Variants in TGM6 observed in about 807,000 individuals in gnomAD.
The protein encoded by TGM6 is protein-glutamine gamma-glutamyltransferase 6.
TGM6 carries 74 observed loss-of-function variants against 77.5 expected under a neutral mutation model. That is an observed-to-expected ratio of 0.96 (90% CI 0.79 to 1.16). The LOEUF is 1.16. TGM6 is among the 50% of genes most tolerant of loss of function. TGM6 has a pLI of 0.00. For missense variants in TGM6, 968 were observed against 940.2 expected (o/e 1.03, Z -0.39); for synonymous variants, 383 against 378.9 (o/e 1.01, Z -0.12).
intron 9 of TGM6, among the ~76,000 whole-genome samples, chr20:2,404,790 G>A (rs6106640): frequency 0.15 from 22,932 of 151,812 alleles, 2,220 homozygotes; most frequent in African/African-American, 0.28. Context: ...ACAGGTGCCC[G>A]CCACCATGCC....
At chr20:2,422,600 T>C (rs1272735137) in intron 10 of TGM6, among the ~76,000 whole-genome samples, 1 of 152,106 alleles carries the variant, frequency 6.6e-6, no homozygotes, top group Non-Finnish European at 1.5e-5. Flanking sequence ...AAAAAATATA[T>C]ACACCTTAAT....
At chr20:2,386,637 C>G (rs1346418454) in intron 1 of TGM6, among the ~76,000 whole-genome samples, 4 of 152,014 alleles carry the variant, frequency 2.6e-5, no homozygotes, top group Admixed American at 2.6e-4. Context: ...AAGAATTCGG[C>G]CAAGGGAATT....
At chr20:2,395,548 A>G (rs2084659374) in intron 3 of TGM6, 112 bp downstream of exon 3, 1 of 1,585,546 alleles carries the variant, frequency 6.3e-7, no homozygotes, top group Non-Finnish European at 8.6e-7. Flanking sequence ...GCTGAATGCC[A>G]AGAGCTGGGC....
intron 9 of TGM6, among the ~76,000 whole-genome samples, chr20:2,414,778 T>G (rs2084803985): frequency 6.6e-6 from 1 of 151,984 alleles, no homozygotes; most frequent in Admixed American, 6.6e-5. Context: ...TGAAAACTGA[T>G]GTTAAGCGGA....
intron 6 of TGM6, 63 bp from the exon 7 acceptor site, chr20:2,400,243 G>C: frequency 6.2e-7 from 1 of 1,609,338 alleles, no homozygotes; most frequent in Non-Finnish European, 8.5e-7. Flanking sequence ...CGCCTGCTGT[G>C]GAAGCCAGGC....
Position 2,403,815 on chromosome 20 carries a change from A to G in TGM6, c.1328A>G (p.Tyr443Cys). 1 of 1,614,124 alleles carries G rather than the reference A, an allele frequency of 6.2e-7. No individual in the cohort carries two copies. The highest frequency in any genetic ancestry group is 8.5e-7 in the Non-Finnish European group (1 of 1,180,034). Residue 443 changes from tyrosine (Y) to cysteine (C), a missense_variant, in exon 9 of 13, where the codon TAT becomes TGT. Coordinates refer to ENST00000202625, the MANE Select transcript of TGM6 (RefSeq NM_198994.3). ...SRVDITDLYKYPEGSRKERQV... is the reference protein window; with the variant it reads ...SRVDITDLYKCPEGSRKERQV... ...GTGGACATCACTGACCTCTACAAGT[A>G]TCCGGAAGGTAAGGGCCACATGGCG...
chr20:2,430,562 G>C lies in TGM6; in HGVS notation c.1795G>C (p.Glu599Gln). 6.2e-7 allele frequency: 1 copy of C among 1,614,176 alleles called. No homozygotes were observed. The highest frequency in any genetic ancestry group is 8.5e-7 in the Non-Finnish European group (1 of 1,180,032). ...CACCAAAGGAGAGAAGCTTCTGGTG[G>C]AGAAGGACATTACTCTAGAGGACTT... Reference protein sequence around the residue: ...LVTKGEKLLVEKDITLEDFIT... With the variant: ...LVTKGEKLLVQKDITLEDFIT... The change falls in exon 11 of 13, where the codon GAG becomes CAG. Residue 599 changes from glutamate (E) to glutamine (Q), a missense_variant. Physicochemically the swap from Glu to Gln is conservative, Grantham distance 29. Coordinates refer to ENST00000202625, the MANE Select transcript of TGM6 (RefSeq NM_198994.3).
intron 9 of TGM6, among the ~76,000 whole-genome samples, chr20:2,405,611 G>A (rs1262492253): frequency 6.6e-6 from 1 of 152,220 alleles, no homozygotes; most frequent in Non-Finnish European, 1.5e-5. Context: ...GCTGAGGACA[G>A]ATGGTGGCTC....
chr20:2,392,476 A>T (rs1341329203), intron 1 of TGM6, among the ~76,000 whole-genome samples: 2 of 152,230 alleles, frequency 1.3e-5, no homozygotes, highest in South Asian at 4.1e-4. Context: ...TCACCTACTT[A>T]GGTGTCACCC....
At chr20:2,393,874 C>G (rs2084644418) in intron 1 of TGM6, among the ~76,000 whole-genome samples, 1 of 152,228 alleles carries the variant, frequency 6.6e-6, no homozygotes, top group Non-Finnish European at 1.5e-5. Flanking sequence ...AGGTTATATA[C>G]TGATCAACTG....
chr20:2,423,592 T>C (rs1407794772), intron 10 of TGM6, among the ~76,000 whole-genome samples: 2 of 152,202 alleles, frequency 1.3e-5, no homozygotes, highest in Non-Finnish European at 2.9e-5. Context: ...CATTGAAATC[T>C]TGAATGCCTC....
intron 10 of TGM6, among the ~76,000 whole-genome samples, chr20:2,426,270 T>C (rs1373663668): frequency 6.6e-6 from 1 of 152,106 alleles, no homozygotes; most frequent in African/African-American, 2.4e-5. Context: ...CTAACATAAG[T>C]GGTATTATGT....
At chr20:2,415,206 C>T (rs1300630195) in intron 9 of TGM6, among the ~76,000 whole-genome samples, 1 of 152,082 alleles carries the variant, frequency 6.6e-6, no homozygotes, top group Non-Finnish European at 1.5e-5. Flanking sequence ...AATAATAAAA[C>T]ATGGAATGTT....
Position 2,396,317 on chromosome 20 carries a change from T to A in TGM6, c.425-189T>A, listed in dbSNP as rs6048642. 0.92 allele frequency among the ~76,000 whole-genome samples: 140,599 copies of A among 152,250 alleles called. 64,964 individuals carry two copies. The highest frequency in any genetic ancestry group is 0.94 in the African/African-American group (38,896 of 41,558). On this transcript the variant is annotated intron_variant, in intron 3 of 12. Transcript: ENST00000202625. ...TCTTTTGGGATTGGTCCCTGCTTGGTTAAAGACTTGCCAGGAGGGATGGAG... is the reference window on the plus strand; with the variant it reads ...TCTTTTGGGATTGGTCCCTGCTTGGATAAAGACTTGCCAGGAGGGATGGAG...
At chr20:2,418,747 A>AT in intron 10 of TGM6, among the ~76,000 whole-genome samples, 1 of 152,116 alleles carries the variant, frequency 6.6e-6, no homozygotes, top group East Asian at 1.9e-4. Context: ...AGGTTTTTGT[A>AT]TTTTTTTAAC....
At position 2,396,534 on chromosome 20, in the gene TGM6, G is replaced by A. The variant is rs1403473804; in HGVS notation, c.453G>A (p.Glu151=). Reference sequence around the variant, plus strand: ...ACGATGTGTTTCTGGCCTCAGAGGAGGAGAGACAGGAGTACGTGCTCAGCG... The same window carrying A: ...ACGATGTGTTTCTGGCCTCAGAGGAAGAGAGACAGGAGTACGTGCTCAGCG... ...AEDDVFLASE[E]ERQEYVLSDS... The change falls in exon 4 of 13, where the codon GAG becomes GAA. Residue 151 remains glutamate (E), a synonymous_variant. Coordinates refer to ENST00000202625, the MANE Select transcript of TGM6 (RefSeq NM_198994.3). The A allele has an allele frequency of 1.9e-6, 3 of 1,614,228 alleles. No homozygotes were observed. The highest frequency in any genetic ancestry group is 2.2e-5 in the East Asian group (1 of 44,874).
chr20:2,406,862 A>AAAAAC (rs1568662629), intron 9 of TGM6, among the ~76,000 whole-genome samples: 33 of 141,832 alleles, frequency 2.3e-4, no homozygotes, highest in Middle Eastern at 3.3e-3. Flanking sequence ...AAAAAAAAAA[A>AAAAAC]AAAACCATGG....
At chr20:2,409,931 A>C (rs964323113) in intron 9 of TGM6, among the ~76,000 whole-genome samples, 1 of 152,220 alleles carries the variant, frequency 6.6e-6, no homozygotes, top group African/African-American at 2.4e-5. Context: ...AAAATTAGAG[A>C]GGATGTCACT....
intron 9 of TGM6, among the ~76,000 whole-genome samples, chr20:2,415,774 G>A (rs57636720): frequency 0.011 from 1,706 of 152,266 alleles, 37 homozygotes; most frequent in African/African-American, 0.038. Context: ...CTGCTGCGCA[G>A]TTGGTGGGTT....
Sources: allele counts gnomAD v4.1 joint callset (sites outside exome capture counted in the v4.1 genomes callset), GRCh38; gene constraint gnomAD v4.1.1; transcripts MANE v1.5; gene names NCBI Gene and HGNC (gene_info 2026-07-23, HGNC 2026-07-21).